The following OSBPL1A variants were observed in gnomAD, a reference collection of about 807,000 sequenced individuals.
The protein encoded by OSBPL1A is oxysterol binding protein like 1A, also known as oxysterol-binding protein-related protein 1.
Under a neutral mutation model 137.1 loss-of-function variants are expected in OSBPL1A, and 80 were observed. The ratio of observed to expected loss-of-function variants is 0.58; its 90% CI spans 0.49 to 0.70. OSBPL1A has a LOEUF of 0.70. Among genes scored for constraint, OSBPL1A ranks in the 30% least tolerant of loss-of-function variants. The pLI, the probability that OSBPL1A is intolerant of heterozygous loss-of-function variation, is 0.00. For missense variants in OSBPL1A, 970 were observed against 1,129.4 expected (o/e 0.86, Z 2.02); for synonymous variants, 365 against 389.7 (o/e 0.94, Z 0.75).
chr18:24,181,000 C>G, intron 19 of OSBPL1A, 145 bp downstream of exon 19: 1 of 937,282 alleles, frequency 1.1e-6, no homozygotes, highest in South Asian at 1.8e-5. Context: ...AACCAGAGGA[C>G]AGTCCAGACA....
chr18:24,392,108 A>T (rs1315725989), intron 1 of OSBPL1A, among the ~76,000 whole-genome samples: 1 of 151,996 alleles, frequency 6.6e-6, no homozygotes, highest in African/African-American at 2.4e-5. Context: ...TGTCCACCTC[A>T]GCCTCCCAAA....
chr18:24,245,283 GGT>G (rs2088849727), intron 15 of OSBPL1A, among the ~76,000 whole-genome samples: 1 of 151,744 alleles, frequency 6.6e-6, no homozygotes, highest in South Asian at 2.1e-4. Flanking sequence ...GGCAGAGACG[GGT>G]CTCCCTACGT....
Position 24,163,023 on chromosome 18 carries a change from T to A in OSBPL1A, c.*156A>T, listed in dbSNP as rs1282078482. The A allele has an allele frequency of 8.9e-6, 5 of 564,750 alleles. No homozygotes were observed. The highest frequency in any genetic ancestry group is 1.5e-5 in the Non-Finnish European group (5 of 323,076). The allele number at this position is 564,750 out of a possible 1,614,324, so 35.0% of individuals were successfully genotyped here. A position where few individuals can be genotyped will look rare whatever the true frequency, so the allele number is the denominator to read the frequency against. Reference sequence around the variant, plus strand: ...TAAGACTTTCATCACCAATATCGCCTTATACCCTGCTTTTGTTGGGTGAAA... The same window carrying A: ...TAAGACTTTCATCACCAATATCGCCATATACCCTGCTTTTGTTGGGTGAAA... On this transcript the variant is annotated 3_prime_UTR_variant, in exon 28 of 28. Transcript: ENST00000319481.
chr18:24,313,828 A>C (rs1420520972), intron 12 of OSBPL1A, among the ~76,000 whole-genome samples: 1 of 152,146 alleles, frequency 6.6e-6, no homozygotes, highest in African/African-American at 2.4e-5. Flanking sequence ...CAGGCCAGGC[A>C]CAGTGGCTCA....
chr18:24,180,753 T>G (rs1024243902), intron 19 of OSBPL1A, among the ~76,000 whole-genome samples: 1 of 151,852 alleles, frequency 6.6e-6, no homozygotes, highest in African/African-American at 2.4e-5. Flanking sequence ...GGCGGGTGCC[T>G]GTAGTCCCAG....
intron 18 of OSBPL1A, among the ~76,000 whole-genome samples, chr18:24,193,495 A>C (rs923394441): frequency 6.6e-6 from 1 of 151,990 alleles, no homozygotes; most frequent in South Asian, 2.1e-4. Context: ...CTCAAAAAAA[A>C]AAAAAAAAAG....
chr18:24,251,455 AG>A, intron 15 of OSBPL1A, among the ~76,000 whole-genome samples: 1 of 152,202 alleles, frequency 6.6e-6, no homozygotes, highest in Non-Finnish European at 1.5e-5. Flanking sequence ...AAAGAACAAG[AG>A]TCTCTGCCTG....
chr18:24,248,066 G>C (rs76295672), intron 15 of OSBPL1A, among the ~76,000 whole-genome samples: 41,646 of 152,094 alleles, frequency 0.27, 6,898 homozygotes, highest in Middle Eastern at 0.42. Context: ...TATACAGCTG[G>C]CCTTTGCTAA....
chr18:24,347,008 C>T (rs1311956154), intron 4 of OSBPL1A, among the ~76,000 whole-genome samples: 1 of 151,936 alleles, frequency 6.6e-6, no homozygotes, highest in African/African-American at 2.4e-5. Flanking sequence ...CCTTGGCCTC[C>T]CAAAGTGTTG....
intron 15 of OSBPL1A, among the ~76,000 whole-genome samples, chr18:24,249,120 G>A (rs1170251008): frequency 1.3e-5 from 2 of 152,138 alleles, no homozygotes; most frequent in Non-Finnish European, 2.9e-5. Flanking sequence ...CTGCAAAGTT[G>A]AACTACTTAA....
chr18:24,377,468 T>C lies in OSBPL1A; in HGVS notation c.66A>G (p.Arg22=), dbSNP rs1376909463. 2 of 1,612,660 alleles carry C rather than the reference T, an allele frequency of 1.2e-6. No homozygotes were observed. Among genetic ancestry groups the C allele is most frequent in the Admixed American group, 1.7e-5 (1 of 59,594 alleles). The part of the protein sequence containing the change: ...HARNGNAEEV[R]QLLETMARNE... ...TCCTCGCCATGGTCTCTAATAGTTG[T>C]CTTACTTCTTCAGCATTGCCATTTC... The change falls in exon 2 of 28, where the codon AGA becomes AGG. Residue 22 remains arginine (R), a synonymous_variant. Transcript: ENST00000319481.
intron 4 of OSBPL1A, among the ~76,000 whole-genome samples, chr18:24,345,140 T>TA (rs779464209): frequency 2.0e-5 from 3 of 149,350 alleles, no homozygotes; most frequent in East Asian, 4.0e-4. Context: ...TAAAAAAAAA[T>TA]AAAAAAATCA....
At chr18:24,262,702 T>C (rs866178825) in intron 15 of OSBPL1A, among the ~76,000 whole-genome samples, 10 of 137,394 alleles carry the variant, frequency 7.3e-5, no homozygotes, top group Middle Eastern at 7.2e-3. Context: ...ACATTTCCAT[T>C]ACCTCTCTCC....
intron 14 of OSBPL1A, 139 bp from the exon 15 acceptor site, chr18:24,281,087 C>CTTT: frequency 1.9e-6 from 1 of 535,070 alleles, no homozygotes. Context: ...TGTTTCTTTT[C>CTTT]TTTTTTTTTG....
At chr18:24,228,808 C>T (rs140091260) in intron 16 of OSBPL1A, among the ~76,000 whole-genome samples, 9 of 152,222 alleles carry the variant, frequency 5.9e-5, no homozygotes, top group Non-Finnish European at 1.0e-4. Flanking sequence ...GCCAACACAG[C>T]GAGGAATGCA....
At chr18:24,315,259 A>C (rs936013487) in intron 11 of OSBPL1A, among the ~76,000 whole-genome samples, 1 of 152,134 alleles carries the variant, frequency 6.6e-6, no homozygotes, top group Non-Finnish European at 1.5e-5. Context: ...GGACATTAAT[A>C]AAGCAAACCT....
At chr18:24,277,105 G>C (rs2089860718) in intron 15 of OSBPL1A, among the ~76,000 whole-genome samples, 1 of 152,016 alleles carries the variant, frequency 6.6e-6, no homozygotes, top group South Asian at 2.1e-4. Context: ...AACCTATAAA[G>C]AGCAAACAAG....
intron 17 of OSBPL1A, among the ~76,000 whole-genome samples, chr18:24,206,911 G>C (rs2087391077): frequency 6.6e-6 from 1 of 152,118 alleles, no homozygotes; most frequent in Non-Finnish European, 1.5e-5. Context: ...CTGAGACTCT[G>C]AGATTAGAGA....
intron 3 of OSBPL1A, chr18:24,367,985 T>G: frequency 4.9e-6 from 1 of 203,140 alleles, no homozygotes. Context: ...AGGGTGTGCT[T>G]TGGTTATTTT....
Sources: allele counts gnomAD v4.1 joint callset (sites outside exome capture counted in the v4.1 genomes callset), GRCh38; gene constraint gnomAD v4.1.1; transcripts MANE v1.5; gene names NCBI Gene and HGNC (gene_info 2026-07-23, HGNC 2026-07-21).